The following FOXK2 variants were observed in gnomAD, a reference collection of about 807,000 sequenced individuals.
FOXK2 encodes forkhead box protein K2.
FOXK2 carries 24 observed loss-of-function variants against 53.3 expected under a neutral mutation model. The observed-to-expected ratio is 0.45, with a 90% CI of 0.33 to 0.63. FOXK2 has a LOEUF of 0.63. FOXK2 is among the 30% of genes least tolerant of loss of function. The probability of loss-of-function intolerance (pLI) is 0.03; values close to 1 mark genes in which losing one functional copy is unlikely to be tolerated. For synonymous variants in FOXK2, 505 were observed against 407.1 expected (o/e 1.24, Z -2.89); for missense variants, 952 against 910.5 (o/e 1.05, Z -0.59).
At chr17:82,566,355 C>T (rs796482950) in intron 2 of FOXK2, among the ~76,000 whole-genome samples, 11 of 152,022 alleles carry the variant, frequency 7.2e-5, no homozygotes, top group African/African-American at 1.2e-4. Flanking sequence ...GTCTGAGAGT[C>T]GCCCCGGCTG....
intron 1 of FOXK2, chr17:82,559,356 C>T (rs2044768436): frequency 2.2e-6 from 1 of 456,362 alleles, no homozygotes; most frequent in East Asian, 6.9e-5. Context: ...GCGCTCAGCT[C>T]AGAGCCAGCT....
intron 1 of FOXK2, among the ~76,000 whole-genome samples, chr17:82,546,673 G>T (rs189435406): frequency 6.6e-6 from 1 of 151,904 alleles, no homozygotes; most frequent in Non-Finnish European, 1.5e-5. Context: ...TCACCATGTT[G>T]CCCAGGCTGG....
chr17:82,563,217 T>C (rs551305702), intron 1 of FOXK2, 137 bp from the exon 2 acceptor site: 39 of 794,004 alleles, frequency 4.9e-5, no homozygotes, highest in Middle Eastern at 6.6e-4. Flanking sequence ...TGGCGACTTA[T>C]AATAACACGG....
intron 3 of FOXK2, among the ~76,000 whole-genome samples, chr17:82,569,264 C>T (rs2044886631): frequency 6.6e-6 from 1 of 152,186 alleles, no homozygotes; most frequent in South Asian, 2.1e-4. Context: ...AGCTGTGCAT[C>T]CCCCACCTGC....
At chr17:82,595,678 C>A in intron 8 of FOXK2, 1 of 904,560 alleles carries the variant, frequency 1.1e-6, no homozygotes, top group Non-Finnish European at 1.5e-6. Context: ...AAAGCTCTAA[C>A]AGTGGGGTCG....
At chr17:82,575,912 C>T (rs1458473147) in intron 4 of FOXK2, among the ~76,000 whole-genome samples, 1 of 150,270 alleles carries the variant, frequency 6.7e-6, no homozygotes, top group Non-Finnish European at 1.5e-5. Flanking sequence ...ACGTCCACAC[C>T]AGCGTGTGTG....
At chr17:82,583,660 A>C (rs199508256) in intron 5 of FOXK2, among the ~76,000 whole-genome samples, 2 of 122,506 alleles carry the variant, frequency 1.6e-5, no homozygotes, top group Non-Finnish European at 1.8e-5. Flanking sequence ...TTTTTAACAA[A>C]AAAAAAAATG....
chr17:82,593,020 A>C (rs1319786524), intron 8 of FOXK2, among the ~76,000 whole-genome samples: 1 of 146,970 alleles, frequency 6.8e-6, no homozygotes, highest in African/African-American at 2.6e-5. Context: ...TCTTATTCTG[A>C]AAGCAGACCC....
intron 8 of FOXK2, among the ~76,000 whole-genome samples, chr17:82,588,761 C>T (rs2045223036): frequency 6.6e-6 from 1 of 151,844 alleles, no homozygotes; most frequent in African/African-American, 2.4e-5. Context: ...TTTGAAAAAC[C>T]GTATCCCTGC....
At chr17:82,525,326 G>GCCA in intron 1 of FOXK2, among the ~76,000 whole-genome samples, 1 of 152,020 alleles carries the variant, frequency 6.6e-6, no homozygotes. Flanking sequence ...ACAGGTACGT[G>GCCA]CCACCATGCC....
rs974823451 is a variant in FOXK2 at position 82,603,031 on chromosome 17, C to T, written c.*1532C>T. ...AAAACATTTATTATTTACATAAAGACCAAATATGATGAATCTGTTCCGTGA... is the reference window on the plus strand; with the variant it reads ...AAAACATTTATTATTTACATAAAGATCAAATATGATGAATCTGTTCCGTGA... On this transcript the variant is annotated 3_prime_UTR_variant, in exon 9 of 9. Transcript: ENST00000335255. 2.0e-5 allele frequency: 3 copies of T among 152,522 alleles called. No individual in the cohort carries two copies. The highest frequency in any genetic ancestry group is 7.2e-5 in the African/African-American group (3 of 41,412). 9.4% of individuals were successfully genotyped at this position (152,522 alleles called of 1,614,324 possible).
intron 8 of FOXK2, chr17:82,600,811 G>C (rs974266137): frequency 3.2e-5 from 5 of 157,974 alleles, no homozygotes; most frequent in African/African-American, 1.2e-4. Context: ...GCTCCCTTCT[G>C]TGTGGAAATG....
intron 1 of FOXK2, among the ~76,000 whole-genome samples, chr17:82,526,056 GT>G (rs770483042): frequency 1.3e-5 from 2 of 152,100 alleles, no homozygotes; most frequent in Non-Finnish European, 2.9e-5. Flanking sequence ...GGCAGATTGT[GT>G]TTGGTAATGT....
Position 82,583,984 on chromosome 17 carries a change from C to T in FOXK2, c.1104-29C>T, listed in dbSNP as rs201121040. On this transcript the variant is annotated intron_variant, in intron 5 of 8. Coordinates refer to ENST00000335255, the MANE Select transcript of FOXK2 (RefSeq NM_004514.4). ...GCTTTCTGAGTGCGTCAGCTGTAAC[C>T]ATGCAATGTCTTCTTCTCGGTGACA... 4.4e-5 allele frequency: 68 copies of T among 1,560,536 alleles called. No individual in the cohort carries two copies. The African/African-American group carries it at 8.0e-4, about 18-fold the overall frequency.
intron 1 of FOXK2, among the ~76,000 whole-genome samples, chr17:82,527,610 C>T (rs1406687476): frequency 6.6e-6 from 1 of 152,122 alleles, no homozygotes; most frequent in Non-Finnish European, 1.5e-5. Flanking sequence ...GCCTGGGTGA[C>T]ATAGCAAGAC....
chr17:82,582,719 CG>C, intron 4 of FOXK2, 21 bp from the exon 5 acceptor site: 1 of 1,528,700 alleles, frequency 6.5e-7, no homozygotes, highest in Non-Finnish European at 8.8e-7. Context: ...ATGAATTCTA[CG>C]TATTTTTTTA....
intron 8 of FOXK2, chr17:82,596,170 G>T: frequency 9.9e-7 from 1 of 1,009,322 alleles, no homozygotes; most frequent in Non-Finnish European, 1.2e-6. Context: ...CACGGGGTTT[G>T]CCCAGCTCAC....
intron 1 of FOXK2, among the ~76,000 whole-genome samples, chr17:82,528,625 T>G (rs1466580392): frequency 2.0e-5 from 3 of 152,246 alleles, no homozygotes; most frequent in African/African-American, 4.8e-5. Flanking sequence ...CGGAACAAGG[T>G]GTTACAGCTG....
At chr17:82,586,950 T>G in intron 7 of FOXK2, 113 bp from the exon 8 acceptor site, 3 of 971,058 alleles carry the variant, frequency 3.1e-6, no homozygotes, top group African/African-American at 1.6e-5. Flanking sequence ...CTGTTTGTTT[T>G]AGAGACATTT....
Sources: allele counts gnomAD v4.1 joint callset (sites outside exome capture counted in the v4.1 genomes callset), GRCh38; gene constraint gnomAD v4.1.1; transcripts MANE v1.5; gene names NCBI Gene and HGNC (gene_info 2026-07-23, HGNC 2026-07-21).